The following RALGAPB variants were observed in gnomAD, a reference collection of about 807,000 sequenced individuals.
RALGAPB encodes Ral GTPase activating protein non-catalytic subunit beta.
A neutral mutation model predicts 161.1 loss-of-function variants in RALGAPB; 25 were observed. That is an observed-to-expected ratio of 0.16 (90% CI 0.11 to 0.22). The LOEUF (loss-of-function observed/expected upper bound fraction) is 0.22. Among genes scored for constraint, RALGAPB ranks in the 10% least tolerant of loss-of-function variants. RALGAPB has a pLI of 1.00. For synonymous variants in RALGAPB, 629 were observed against 626.1 expected (o/e 1.00, Z -0.07); for missense variants, 1,391 against 1,815.2 (o/e 0.77, Z 4.25).
chr20:38,559,984 A>G (rs1355434302), intron 23 of RALGAPB, among the ~76,000 whole-genome samples: 1 of 152,196 alleles, frequency 6.6e-6, no homozygotes, highest in African/African-American at 2.4e-5. Flanking sequence ...TCATTTTAAG[A>G]CAATCAGCTA....
chr20:38,483,210 T>C (rs1315885958), intron 1 of RALGAPB, among the ~76,000 whole-genome samples: 1 of 152,176 alleles, frequency 6.6e-6, no homozygotes, highest in African/African-American at 2.4e-5. Flanking sequence ...TTATCCCCAT[T>C]TTACAGATGA....
At chr20:38,546,044 G>T (rs1260474706) in intron 18 of RALGAPB, among the ~76,000 whole-genome samples, 199 bp from the exon 19 acceptor site, 1 of 152,110 alleles carries the variant, frequency 6.6e-6, no homozygotes, top group Non-Finnish European at 1.5e-5. Flanking sequence ...TGCATCTGGG[G>T]TAATGGGCTT....
intron 17 of RALGAPB, 126 bp downstream of exon 17, chr20:38,540,084 A>G: frequency 1.3e-6 from 1 of 789,632 alleles, no homozygotes; most frequent in Non-Finnish European, 1.9e-6. Context: ...TACTTGTTAG[A>G]TTACAGTGGA....
chr20:38,556,872 T>C (rs184017639), intron 22 of RALGAPB, among the ~76,000 whole-genome samples: 3 of 152,338 alleles, frequency 2.0e-5, no homozygotes, highest in Admixed American at 2.0e-4. Flanking sequence ...GTAAATTCAT[T>C]TAGTGGCAAA....
At chr20:38,563,583 C>T (rs537428012) in intron 24 of RALGAPB, among the ~76,000 whole-genome samples, 2 of 152,280 alleles carry the variant, frequency 1.3e-5, no homozygotes, top group South Asian at 4.1e-4. Flanking sequence ...GCTTTCTGTT[C>T]CTGGGCTCCT....
chr20:38,551,984 G>A (rs2145439829), intron 21 of RALGAPB, among the ~76,000 whole-genome samples: 1 of 152,244 alleles, frequency 6.6e-6, no homozygotes, highest in East Asian at 1.9e-4. Context: ...GAGAACAGGT[G>A]TGTACAGTAG....
At chr20:38,572,659 TAA>T (rs1246357896) in intron 28 of RALGAPB, among the ~76,000 whole-genome samples, 3 of 152,244 alleles carry the variant, frequency 2.0e-5, no homozygotes, top group Non-Finnish European at 4.4e-5. Context: ...TTTAAACTTC[TAA>T]AAGAGGGCAA....
intron 4 of RALGAPB, among the ~76,000 whole-genome samples, chr20:38,498,312 C>T (rs183433367): frequency 2.0e-5 from 3 of 152,300 alleles, no homozygotes; most frequent in Non-Finnish European, 2.9e-5. Context: ...TTCAGAATCC[C>T]TGCTTTGTAT....
At position 38,509,145 on chromosome 20, in the gene RALGAPB, T is replaced by A. The variant is rs1221987221; in HGVS notation, c.809T>A (p.Ile270Asn). The A allele has an allele frequency of 6.2e-7, 1 of 1,613,452 alleles. No homozygotes were observed. The highest frequency in any genetic ancestry group is 8.5e-7 in the Non-Finnish European group (1 of 1,179,456). Reference protein sequence around the residue: ...FKVPDEDASLIPPEMDNECVA... With the variant: ...FKVPDEDASLNPPEMDNECVA... ...GTTCCCGATGAAGATGCCAGTCTGA[T>A]CCCTCCAGAAATGGATAATGAGTGT... The change falls in exon 6 of 30, where the codon ATC (isoleucine) becomes AAC (asparagine). Residue 270 changes from isoleucine to asparagine, a missense_variant. Physicochemically the swap from Ile to Asn is moderately radical, Grantham distance 149 (BLOSUM62 -3). Around this residue, in one of 3 missense-constraint regions of RALGAPB, gnomAD observed 946 missense variants for 1,257.2 expected, o/e 0.75. Transcript: ENST00000262879.
intron 10 of RALGAPB, among the ~76,000 whole-genome samples, chr20:38,524,448 T>G (rs2086396007): frequency 6.6e-6 from 1 of 152,128 alleles, no homozygotes; most frequent in African/African-American, 2.4e-5. Flanking sequence ...CCTAGAACTT[T>G]GAGTTGCAAG....
In RALGAPB at chr20:38,493,010, A is replaced by G. The variant is rs1448859530; in HGVS notation, c.267A>G (p.Val89=). 6 of 1,611,458 alleles carry G rather than the reference A, an allele frequency of 3.7e-6. No homozygotes were observed. Among genetic ancestry groups the G allele is most frequent in the Non-Finnish European group, 4.2e-6 (5 of 1,177,806 alleles). Residue 89 remains valine, a synonymous_variant, in exon 3 of 30, where the codon GTA becomes GTG. Transcript: ENST00000262879. The part of the protein sequence containing the change: ...DGETVKYCVD[V]YTDWIMALVL... Reference sequence around the variant, plus strand: ...AGACTGTAAAATATTGCGTTGATGTATATACAGACTGGATTATGGCTTTAG... The same window carrying G: ...AGACTGTAAAATATTGCGTTGATGTGTATACAGACTGGATTATGGCTTTAG...
intron 6 of RALGAPB, among the ~76,000 whole-genome samples, chr20:38,509,757 T>C (rs2085877447): frequency 6.6e-6 from 1 of 152,244 alleles, no homozygotes; most frequent in Admixed American, 6.5e-5. Context: ...CTGTGTGCTC[T>C]GTAGAACATT....
In RALGAPB at chr20:38,567,002, A is replaced by C. The variant is rs569466445; in HGVS notation, c.3818-94A>C. On this transcript the variant is annotated intron_variant, in intron 25 of 29. Coordinates refer to ENST00000262879, the MANE Select transcript of RALGAPB (RefSeq NM_020336.4). ...CTCGAAGCAATGCTTTGTTTAAGTGATTTAGGTTAGACTGGTGAGCATAAT... is the reference window on the plus strand; with the variant it reads ...CTCGAAGCAATGCTTTGTTTAAGTGCTTTAGGTTAGACTGGTGAGCATAAT... The C allele has an allele frequency of 2.0e-4, 296 of 1,486,468 alleles. No homozygotes were observed. The African/African-American group carries it at 3.7e-3, about 19-fold the overall frequency. The allele number at this position is 1,486,468 out of a possible 1,614,324, so 92.1% of individuals were successfully genotyped here.
chr20:38,491,565 C>T (rs988803102), intron 2 of RALGAPB, among the ~76,000 whole-genome samples: 14 of 152,144 alleles, frequency 9.2e-5, no homozygotes, highest in Non-Finnish European at 1.6e-4. Flanking sequence ...ACCCGTTTGC[C>T]GGAGAACTCT....
chr20:38,551,012 G>C, intron 20 of RALGAPB, 59 bp from the exon 21 acceptor site: 1 of 1,553,606 alleles, frequency 6.4e-7, no homozygotes, highest in Admixed American at 1.7e-5. Context: ...GGAAATACAT[G>C]TCATTACAGA....
At chr20:38,522,197 AAG>A (rs2086310552) in intron 10 of RALGAPB, among the ~76,000 whole-genome samples, 1 of 152,226 alleles carries the variant, frequency 6.6e-6, no homozygotes, top group Non-Finnish European at 1.5e-5. Context: ...GGATTCAGGA[AAG>A]AGTTTTGGGG....
Position 38,564,587 on chromosome 20 carries a change from C to A in RALGAPB, c.3698-772C>A, listed in dbSNP as rs894378900. ...CCGATTGTTGGTCTTTTATGTATTG[C>A]TAGTAGGACACTGAGTTCATTTTAA... On this transcript the variant is annotated intron_variant, in intron 24 of 29. Transcript: ENST00000262879. 4.6e-5 allele frequency among the ~76,000 whole-genome samples: 7 copies of A among 152,156 alleles called. 1 individual carries two copies. Among genetic ancestry groups the A allele is most frequent in the Non-Finnish European group, 1.0e-4 (7 of 68,032 alleles).
intron 13 of RALGAPB, among the ~76,000 whole-genome samples, chr20:38,527,415 C>CT (rs2086505852): frequency 6.6e-6 from 1 of 152,138 alleles, no homozygotes; most frequent in African/African-American, 2.4e-5. Context: ...CTGGAGTTGT[C>CT]TGTAGCTGGG....
At chr20:38,481,217 C>A (rs954928170) in intron 1 of RALGAPB, among the ~76,000 whole-genome samples, 5 of 152,140 alleles carry the variant, frequency 3.3e-5, no homozygotes, top group Non-Finnish European at 7.3e-5. Flanking sequence ...TTTGAACTTC[C>A]GTGGTGTCTT....
Sources: allele counts gnomAD v4.1 joint callset (sites outside exome capture counted in the v4.1 genomes callset), GRCh38; gene constraint gnomAD v4.1.1; regional missense constraint gnomAD v4.1.1; transcripts MANE v1.5; gene names NCBI Gene and HGNC (gene_info 2026-07-23, HGNC 2026-07-21).